Variants in SIPA1L1 observed in about 807,000 individuals in gnomAD.
The protein encoded by SIPA1L1 is signal induced proliferation associated 1 like 1, also known as signal-induced proliferation-associated 1-like protein 1.
SIPA1L1 carries 26 observed loss-of-function variants against 162.7 expected under a neutral mutation model. The ratio of observed to expected loss-of-function variants is 0.16; its 90% CI spans 0.12 to 0.22. The LOEUF (loss-of-function observed/expected upper bound fraction) is 0.22. Ranked by LOEUF, SIPA1L1 falls within the 10% of genes least tolerant of loss-of-function variation. The probability of loss-of-function intolerance (pLI) is 1.00; values close to 1 mark genes in which losing one functional copy is unlikely to be tolerated. For missense variants in SIPA1L1, 1,874 were observed against 2,241.0 expected, an observed-to-expected ratio of 0.84 and a Z score of 3.31; for synonymous variants, 829 against 837.4, an observed-to-expected ratio of 0.99 and a Z score of 0.17.
rs201806112 is a variant in SIPA1L1, at chr14:71,671,537, A to G, written c.2674A>G (p.Thr892Ala). The change falls in exon 11 of 24, where the codon ACA (threonine) becomes GCA (alanine). Residue 892 changes from threonine (T) to alanine (A), a missense_variant. Physicochemically the swap from Thr to Ala is moderately conservative, Grantham distance 58. Transcript: ENST00000381232. Reference protein sequence around the residue: ...NEFIVLIEQETKSVVFNCSCR... With the variant: ...NEFIVLIEQEAKSVVFNCSCR... ...GTTCATTGTGCTCATTGAACAGGAAACAAAGAGCGTGGTCTTCAATTGTTC... is the reference window on the plus strand; with the variant it reads ...GTTCATTGTGCTCATTGAACAGGAAGCAAAGAGCGTGGTCTTCAATTGTTC... 3.1e-6 allele frequency: 5 copies of G among 1,614,220 alleles called. No individual in the cohort carries two copies. In the South Asian group the frequency reaches 3.3e-5, roughly 11 times the overall value.
chr14:71,454,574 C>G (rs1156356275), intron 2 of SIPA1L1, among the ~76,000 whole-genome samples: 2 of 152,102 alleles, frequency 1.3e-5, no homozygotes, highest in African/African-American at 2.4e-5. Flanking sequence ...TTGAAGGCTT[C>G]TGCTTTCTGG....
chr14:71,695,471 A>G (rs574923115), intron 13 of SIPA1L1, among the ~76,000 whole-genome samples: 107 of 152,342 alleles, frequency 7.0e-4, no homozygotes, highest in African/African-American at 2.5e-3. Flanking sequence ...AGCCTGCGAT[A>G]TCTTAGCTTA....
chr14:71,403,351 G>A (rs140222634), intron 2 of SIPA1L1, among the ~76,000 whole-genome samples: 1 of 152,098 alleles, frequency 6.6e-6, no homozygotes, highest in Non-Finnish European at 1.5e-5. Flanking sequence ...TGTAATCCCA[G>A]CACTTTGGGA....
At chr14:71,690,650 A>G (rs1247208517) in intron 13 of SIPA1L1, among the ~76,000 whole-genome samples, 1 of 152,144 alleles carries the variant, frequency 6.6e-6, no homozygotes, top group Non-Finnish European at 1.5e-5. Context: ...TTGTCTTCCA[A>G]AAGGTATTCC....
chr14:71,673,186 G>A (rs1345582788), intron 12 of SIPA1L1, among the ~76,000 whole-genome samples: 1 of 152,180 alleles, frequency 6.6e-6, no homozygotes, highest in Non-Finnish European at 1.5e-5. Flanking sequence ...TTTTCCAGAA[G>A]GGAAAACCTA....
chr14:71,570,159 T>C (rs2031683453), intron 4 of SIPA1L1, among the ~76,000 whole-genome samples: 1 of 152,228 alleles, frequency 6.6e-6, no homozygotes, highest in South Asian at 2.1e-4. Flanking sequence ...GATCTCTACT[T>C]AGTCCCTTTC....
At chr14:71,600,763 G>A (rs539168379) in intron 5 of SIPA1L1, among the ~76,000 whole-genome samples, 14 of 152,242 alleles carry the variant, frequency 9.2e-5, no homozygotes, top group South Asian at 4.1e-4. Flanking sequence ...ACAGTGTTTC[G>A]TAGTTTTCCT....
At chr14:71,550,308 C>T (rs570313817) in intron 4 of SIPA1L1, among the ~76,000 whole-genome samples, 1 of 152,232 alleles carries the variant, frequency 6.6e-6, no homozygotes, top group African/African-American at 2.4e-5. Context: ...GGACAATAAA[C>T]TTGCTCCATG....
intron 2 of SIPA1L1, among the ~76,000 whole-genome samples, chr14:71,469,356 A>G (rs2047268925): frequency 6.6e-6 from 1 of 152,202 alleles, no homozygotes; most frequent in Non-Finnish European, 1.5e-5. Context: ...CAGATGTGAG[A>G]GGGCAACACT....
chr14:71,716,027 G>C (rs1422341211), intron 17 of SIPA1L1, among the ~76,000 whole-genome samples: 2 of 152,176 alleles, frequency 1.3e-5, no homozygotes, highest in Admixed American at 1.3e-4. Flanking sequence ...TCCCTATGCT[G>C]TATGTATTAA....
At chr14:71,568,174 A>G (rs1383960720) in intron 4 of SIPA1L1, among the ~76,000 whole-genome samples, 1 of 152,134 alleles carries the variant, frequency 6.6e-6, no homozygotes. Flanking sequence ...TGCAGCCCAT[A>G]GGTGTCAGTC....
At chr14:71,420,616 C>T (rs928020586) in intron 2 of SIPA1L1, among the ~76,000 whole-genome samples, 2 of 152,284 alleles carry the variant, frequency 1.3e-5, no homozygotes, top group South Asian at 4.1e-4. Context: ...ATGGAATTTT[C>T]CAAACATGCA....
intron 9 of SIPA1L1, 55 bp downstream of exon 9, chr14:71,658,491 G>T: frequency 8.9e-7 from 1 of 1,126,586 alleles, no homozygotes; most frequent in Non-Finnish European, 1.4e-6. Flanking sequence ...TCCTCTAGAA[G>T]CCTAAGTGGC....
chr14:71,733,870 T>G, intron 21 of SIPA1L1, 58 bp downstream of exon 21: 1 of 1,550,012 alleles, frequency 6.5e-7, no homozygotes, highest in East Asian at 2.3e-5. Context: ...GTGAGCAGTC[T>G]CCATCCACTC....
intron 4 of SIPA1L1, among the ~76,000 whole-genome samples, chr14:71,585,680 ATGTT>A (rs1365931487): frequency 6.6e-6 from 1 of 152,206 alleles, no homozygotes; most frequent in Non-Finnish European, 1.5e-5. Context: ...TAGAGAATGA[ATGTT>A]TGGGGAATGA....
intron 13 of SIPA1L1, among the ~76,000 whole-genome samples, chr14:71,694,144 T>G (rs998324657): frequency 6.6e-5 from 10 of 152,326 alleles, no homozygotes; most frequent in Admixed American, 2.0e-4. Flanking sequence ...AATCTATTAA[T>G]GTTGGCACTA....
In SIPA1L1 at chr14:71,573,619, C is replaced by G. The variant is rs180689444; in HGVS notation, c.-302-13952C>G. 1.1e-5 allele frequency: 5 copies of G among 456,734 alleles called. No individual in the cohort carries two copies. The East Asian group carries it at 3.5e-4, about 32-fold the overall frequency. The allele number at this position is 456,734 out of a possible 1,614,324, so 28.3% of individuals were successfully genotyped here. On this transcript the variant is annotated intron_variant, in intron 4 of 23. Transcript: ENST00000381232. The stretch of plus-strand genomic sequence containing the variant: ...GCCCGAGAGCTGGGCAGAGGAAAAT[C>G]CCTCCTGCTTTCAACAACTATGCAT...
chr14:71,736,520 A>C (rs867541541), intron 22 of SIPA1L1, among the ~76,000 whole-genome samples: 1 of 152,238 alleles, frequency 6.6e-6, no homozygotes, highest in African/African-American at 2.4e-5. Context: ...GGGGCTTGCC[A>C]TTGAGGACTT....
At chr14:71,523,581 C>T (rs949596295) in intron 3 of SIPA1L1, among the ~76,000 whole-genome samples, 5 of 152,100 alleles carry the variant, frequency 3.3e-5, no homozygotes, top group African/African-American at 7.2e-5. Flanking sequence ...TTGTTTGGAC[C>T]GTGGTCCAAT....
Sources: allele counts gnomAD v4.1 joint callset (sites outside exome capture counted in the v4.1 genomes callset), GRCh38; gene constraint gnomAD v4.1.1; transcripts MANE v1.5; gene names NCBI Gene and HGNC (gene_info 2026-07-23, HGNC 2026-07-21).